BCL2A1: variants seen among roughly 807,000 people sequenced by gnomAD.
The protein encoded by BCL2A1 is BCL2 related protein A1.
BCL2A1 carries 10 observed loss-of-function variants against 14.4 expected under a neutral mutation model. The observed-to-expected ratio is 0.69, with a 90% CI of 0.43 to 1.18. The LOEUF (loss-of-function observed/expected upper bound fraction) is 1.18, where lower values mean the gene tolerates loss of function less well. Among genes scored for constraint, BCL2A1 ranks in the 50% most tolerant of loss-of-function variants. The pLI is 0.00. For synonymous variants in BCL2A1, 71 were observed against 76.5 expected, an observed-to-expected ratio of 0.93 and a Z score of 0.38; for missense variants, 158 against 205.0, an observed-to-expected ratio of 0.77 and a Z score of 1.40.
At chr15:79,968,714 C>T (rs1162628695) in intron 1 of BCL2A1, among the ~76,000 whole-genome samples, 5 of 152,160 alleles carry the variant, frequency 3.3e-5, no homozygotes, top group South Asian at 2.1e-4. Flanking sequence ...GAGGATCACC[C>T]GAGGTCAGGA....
intron 1 of BCL2A1, among the ~76,000 whole-genome samples, chr15:79,962,458 T>C (rs1295137757): frequency 6.6e-6 from 1 of 152,190 alleles, no homozygotes; most frequent in Non-Finnish European, 1.5e-5. Flanking sequence ...TAGTTTCCTA[T>C]ACACTCTCAA....
intron 1 of BCL2A1, among the ~76,000 whole-genome samples, chr15:79,967,195 A>AGTTGGAGC (rs754634440): frequency 6.6e-6 from 1 of 151,238 alleles, no homozygotes; most frequent in Non-Finnish European, 1.5e-5. Context: ...TGGTGCTCTG[A>AGTTGGAGC]ACATCTATGC....
At chr15:79,969,106 A>G (rs1454886433) in intron 1 of BCL2A1, among the ~76,000 whole-genome samples, 1 of 152,148 alleles carries the variant, frequency 6.6e-6, no homozygotes, top group Non-Finnish European at 1.5e-5. Flanking sequence ...AAAATGTAAA[A>G]AAAAAATTAA....
chr15:79,968,027 G>A (rs887349391), intron 1 of BCL2A1, among the ~76,000 whole-genome samples: 7 of 152,010 alleles, frequency 4.6e-5, no homozygotes, highest in African/African-American at 1.7e-4. Flanking sequence ...AGGTTCATCC[G>A]GCCACACTCA....
At chr15:79,962,835 C>G (rs759560136) in intron 1 of BCL2A1, among the ~76,000 whole-genome samples, 2 of 151,828 alleles carry the variant, frequency 1.3e-5, no homozygotes, top group African/African-American at 4.8e-5. Flanking sequence ...TGTGAGCCAC[C>G]GCACCCAGCA....
intron 1 of BCL2A1, among the ~76,000 whole-genome samples, chr15:79,962,112 C>T (rs1432915215): frequency 6.6e-6 from 1 of 152,180 alleles, no homozygotes; most frequent in Non-Finnish European, 1.5e-5. Context: ...TACGTCTTCA[C>T]CTTACAGGTT....
At chr15:79,969,502 A>T (rs2035574911) in intron 1 of BCL2A1, among the ~76,000 whole-genome samples, 1 of 152,228 alleles carries the variant, frequency 6.6e-6, no homozygotes, top group South Asian at 2.1e-4. Flanking sequence ...CAGCACTTAC[A>T]TATAACAGAA....
chr15:79,962,478 A>T (rs2035499062), intron 1 of BCL2A1, among the ~76,000 whole-genome samples: 1 of 151,954 alleles, frequency 6.6e-6, no homozygotes, highest in African/African-American at 2.4e-5. Context: ...AGAGGTATCC[A>T]CTTCATTACT....
At chr15:79,967,711 G>T (rs753856498) in intron 1 of BCL2A1, 1 of 1,392,090 alleles carries the variant, frequency 7.2e-7, no homozygotes, top group Non-Finnish European at 1.0e-6. Context: ...AATCATTCAA[G>T]AGTAAATTCA....
rs1596128984 is a variant in BCL2A1 at position 79,971,075 on chromosome 15, G to A, written c.45C>T (p.Asp15=). 3.1e-6 allele frequency: 5 copies of A among 1,614,152 alleles called. No homozygotes were observed. In the East Asian group the frequency reaches 1.1e-4, roughly 36 times the overall value. The part of the protein sequence containing the change: ...EFGYIYRLAQ[D]YLQCVLQIPQ... ...GTATCTGTAGGACGCACTGCAGATA[G>A]TCCTGAGCCAGCCTGTAAATATATC... The change falls in exon 1 of 2, where the codon GAC becomes GAT. Residue 15 remains aspartate, a synonymous_variant. Transcript: ENST00000267953.
intron 1 of BCL2A1, among the ~76,000 whole-genome samples, chr15:79,969,639 T>C (rs2035576159): frequency 6.6e-6 from 1 of 152,162 alleles, no homozygotes; most frequent in Non-Finnish European, 1.5e-5. Context: ...TTTATATGTA[T>C]ACATAAAAAA....
chr15:79,962,734 G>A (rs1275061874), intron 1 of BCL2A1, among the ~76,000 whole-genome samples: 1 of 151,888 alleles, frequency 6.6e-6, no homozygotes, highest in Admixed American at 6.6e-5. Flanking sequence ...TTTTAGTAGA[G>A]ACGGGGTTTC....
In BCL2A1 at chr15:79,967,637, C is replaced by T. The variant is rs778292354; in HGVS notation, c.420+3063G>A. On this transcript the variant is annotated intron_variant, in intron 1 of 1. Transcript: ENST00000267953. ...CTGTAAGTGCCTTCTCTACTCTTAC[C>T]TCTTCTTGTGGGCCACTGACTCTAC... 12 of 1,597,078 alleles carry T rather than the reference C, an allele frequency of 7.5e-6. No homozygotes were observed. In the South Asian group the frequency reaches 1.0e-4, roughly 13 times the overall value.
Position 79,968,452 on chromosome 15 carries a change from C to T in BCL2A1, c.420+2248G>A, listed in dbSNP as rs184159351. 2.9e-3 allele frequency among the ~76,000 whole-genome samples: 438 copies of T among 152,266 alleles called. 2 individuals carry two copies. The highest frequency in any genetic ancestry group is 4.6e-3 in the Admixed American group (71 of 15,300). On this transcript the variant is annotated intron_variant, in intron 1 of 1. Coordinates refer to ENST00000267953, the MANE Select transcript of BCL2A1 (RefSeq NM_004049.4). Reference sequence around the variant, plus strand: ...GGCTCAGTTAGAAAGAACTAAGTTCCAGGAAGAAGGTGATTGAGAAAGGGG... The same window carrying T: ...GGCTCAGTTAGAAAGAACTAAGTTCTAGGAAGAAGGTGATTGAGAAAGGGG...
intron 1 of BCL2A1, among the ~76,000 whole-genome samples, chr15:79,964,452 G>A (rs1269854316): frequency 6.6e-6 from 1 of 152,136 alleles, no homozygotes; most frequent in Non-Finnish European, 1.5e-5. Flanking sequence ...CTGGGTGACA[G>A]CAAGACCCTG....
In BCL2A1 at chr15:79,961,113, G is replaced by A; in HGVS notation, c.482C>T (p.Thr161Ile). The A allele has an allele frequency of 2.5e-6, 4 of 1,614,044 alleles. No homozygotes were observed. The highest frequency in any genetic ancestry group is 2.5e-6 in the Non-Finnish European group (3 of 1,179,970). Residue 161 changes from threonine (T) to isoleucine (I), a missense_variant, in exon 2 of 2, where the codon ACA becomes ATA. Transcript: ENST00000267953. ...KSGWMTFLEV[T>I]GKICEMLSLL... ...AGATAGCATTTCACAGATCTTTCCT[G>A]TAACTTCTAGAAAAGTCATCCAGCC...
chr15:79,967,008 G>C (rs2035547624), intron 1 of BCL2A1, among the ~76,000 whole-genome samples: 1 of 152,110 alleles, frequency 6.6e-6, no homozygotes, highest in Non-Finnish European at 1.5e-5. Flanking sequence ...TGTTTCAAGT[G>C]CTTTGCATAT....
chr15:79,960,962 C>T lies in BCL2A1; in HGVS notation c.*105G>A, dbSNP rs2035484649. On this transcript the variant is annotated 3_prime_UTR_variant, in exon 2 of 2. Transcript: ENST00000267953. ...TCCATAACTCTGGAAGGTCAAGTTA[C>T]ATCATCAAAGTTGTTTATTTAAAAG... 4 of 1,543,094 alleles carry T rather than the reference C, an allele frequency of 2.6e-6. No individual in the cohort carries two copies. Among genetic ancestry groups the T allele is most frequent in the Non-Finnish European group, 3.6e-6 (4 of 1,126,114 alleles).
At chr15:79,961,611 C>A (rs1482861006) in intron 1 of BCL2A1, among the ~76,000 whole-genome samples, 1 of 151,846 alleles carries the variant, frequency 6.6e-6, no homozygotes, top group Non-Finnish European at 1.5e-5. Context: ...CGTTCTTGTT[C>A]AATTGTCCAA....
Sources: allele counts gnomAD v4.1 joint callset (sites outside exome capture counted in the v4.1 genomes callset), GRCh38; gene constraint gnomAD v4.1.1; transcripts MANE v1.5; gene names NCBI Gene and HGNC (gene_info 2026-07-23, HGNC 2026-07-21).